The following CEP76 variants were observed in gnomAD, a reference collection of about 807,000 sequenced individuals.
CEP76 encodes the protein centrosomal protein 76.
In CEP76, 55 loss-of-function variants were observed where a neutral mutation model predicts 83.3. That is an observed-to-expected ratio of 0.66 (90% confidence interval 0.53 to 0.83). The LOEUF (loss-of-function observed/expected upper bound fraction) is 0.83. CEP76 is among the 40% of genes least tolerant of loss of function. The pLI is 0.00. For missense variants in CEP76, 694 were observed against 799.5 expected (o/e 0.87, Z 1.59); for synonymous variants, 270 against 274.5 (o/e 0.98, Z 0.16).
chr18:12,694,788 T>C (rs1314980153), intron 6 of CEP76, among the ~76,000 whole-genome samples: 1 of 151,756 alleles, frequency 6.6e-6, no homozygotes, highest in African/African-American at 2.4e-5. Context: ...CTGGGCTCAC[T>C]GCAAGCTCCT....
chr18:12,669,404 G>A (rs1377377731), downstream of CEP76, among the ~76,000 whole-genome samples: 3 of 151,798 alleles, frequency 2.0e-5, no homozygotes, highest in Non-Finnish European at 2.9e-5. Flanking sequence ...GAGCCACCGC[G>A]CCTGGCCCCA....
chr18:12,701,461 T>C (rs2040147109), intron 1 of CEP76, among the ~76,000 whole-genome samples: 1 of 152,188 alleles, frequency 6.6e-6, no homozygotes, highest in South Asian at 2.1e-4. Flanking sequence ...AAGGGAATCT[T>C]ACCAGCTTTC....
At chr18:12,670,321 C>T (rs1441258217), downstream of CEP76, 1 of 150,974 alleles carries the variant, frequency 6.6e-6, no homozygotes, top group African/African-American at 2.4e-5. Context: ...CAGAGTGAGA[C>T]TCTGTCTCAA....
intron 10 of CEP76, 40 bp downstream of exon 10, chr18:12,678,069 A>G: frequency 1.3e-6 from 2 of 1,513,162 alleles, no homozygotes; most frequent in Admixed American, 1.7e-5. Context: ...TACATAAATG[A>G]AAAGAAGTAT....
chr18:12,699,433 C>G (rs993328682), intron 3 of CEP76, among the ~76,000 whole-genome samples: 1 of 152,128 alleles, frequency 6.6e-6, no homozygotes, highest in African/African-American at 2.4e-5. Context: ...CTACTTTCTC[C>G]CAGCTGGAAA....
Position 12,686,402 on chromosome 18 carries a change from G to T in CEP76, c.982C>A (p.Arg328=). ...RPVCSYVKPL[R]AGRLLDTPRQ... ...GGAGTATCAAGAAGCCGTCCAGCTCGAAGTGGTTTAACATAGGAACAGACT... is the reference window on the plus strand; with the variant it reads ...GGAGTATCAAGAAGCCGTCCAGCTCTAAGTGGTTTAACATAGGAACAGACT... Residue 328 remains arginine (R), a synonymous_variant, in exon 8 of 12, where the codon CGA becomes AGA. Transcript: ENST00000262127. The T allele has an allele frequency of 6.2e-7, 1 of 1,613,998 alleles. No homozygotes were observed. Among genetic ancestry groups the T allele is most frequent in the Non-Finnish European group, 8.5e-7 (1 of 1,179,956 alleles).
At chr18:12,689,932 G>A (rs1156846691) in intron 7 of CEP76, among the ~76,000 whole-genome samples, 2 of 152,122 alleles carry the variant, frequency 1.3e-5, no homozygotes, top group Non-Finnish European at 2.9e-5. Flanking sequence ...GGGATTATAG[G>A]TGCCTGCCAC....
intron 11 of CEP76, among the ~76,000 whole-genome samples, chr18:12,674,243 C>T (rs779585051): frequency 1.3e-5 from 2 of 151,872 alleles, no homozygotes; most frequent in Non-Finnish European, 2.9e-5. Flanking sequence ...TCAAGACCAG[C>T]CTGGGCAACA....
intron 5 of CEP76, among the ~76,000 whole-genome samples, chr18:12,695,582 T>G (rs930841462): frequency 3.9e-5 from 6 of 152,014 alleles, no homozygotes; most frequent in African/African-American, 1.4e-4. Context: ...ACACTCTTTT[T>G]CTTCTTTAAG....
intron 4 of CEP76, 146 bp downstream of exon 4, chr18:12,698,833 G>A (rs1476856963): frequency 3.2e-6 from 2 of 621,482 alleles, no homozygotes; most frequent in South Asian, 2.2e-5. Flanking sequence ...GTGGATAGTA[G>A]TTTAAATTGA....
At position 12,665,916 on chromosome 18, in the gene CEP76, T is replaced by C. The variant is rs192358276; in HGVS notation, c.*1728-3747A>G. Among the ~76,000 whole-genome samples, 805 of 152,210 alleles carry C rather than the reference T, an allele frequency of 5.3e-3. 3 individuals carry two copies. The highest frequency in any genetic ancestry group is 9.6e-3 in the Admixed American group (146 of 15,270). Reference sequence around the variant, plus strand: ...TTCACCATGTTGGCCAGGCTGGTCTTGAACGCCTGACCCCGTGATCTGCCC... The same window carrying C: ...TTCACCATGTTGGCCAGGCTGGTCTCGAACGCCTGACCCCGTGATCTGCCC... On this transcript the variant is annotated intron_variant and NMD_transcript_variant, in intron 12 of 12. Coordinates refer to the CEP76 transcript ENST00000590143.
At chr18:12,683,796 A>G (rs1437920615) in intron 8 of CEP76, among the ~76,000 whole-genome samples, 1 of 151,992 alleles carries the variant, frequency 6.6e-6, no homozygotes, top group Non-Finnish European at 1.5e-5. Context: ...CAACACATAG[A>G]AAAATGTTCA....
Position 12,698,963 on chromosome 18 carries a change from T to C in CEP76, c.520+16A>G, listed in dbSNP as rs2040056550. ...AGATTTACTCAATTAAATGACAATT[T>C]ATTACTGTTTCTTACCCAAGCTTTC... On this transcript the variant is annotated intron_variant, in intron 4 of 11. Transcript: ENST00000262127. 2.0e-6 allele frequency: 3 copies of C among 1,533,464 alleles called. No homozygotes were observed. The African/African-American group carries it at 4.1e-5, about 21-fold the overall frequency. 95.0% of individuals were successfully genotyped at this position (1,533,464 alleles called of 1,614,324 possible).
chr18:12,663,156 A>G (rs909581339), intron 12 of CEP76, among the ~76,000 whole-genome samples: 3 of 152,206 alleles, frequency 2.0e-5, no homozygotes, highest in African/African-American at 7.2e-5. Flanking sequence ...ATTTCCTATA[A>G]CACAAACTTT....
chr18:12,680,810 C>A lies in CEP76; in HGVS notation c.1141G>T (p.Ala381Ser). ...CRNKGDCEDHANLLCSLLLGY... is the reference protein window; with the variant it reads ...CRNKGDCEDHSNLLCSLLLGY... ...AGAAGAAGGCTGCACAGAAGGTTAG[C>A]GTGATCTTCACAGTCACCCTGGAAG... Residue 381 changes from alanine to serine, a missense_variant, in exon 9 of 12, where the codon GCT becomes TCT. Coordinates refer to ENST00000262127, the MANE Select transcript of CEP76 (RefSeq NM_024899.4). The A allele has an allele frequency of 5.0e-6, 8 of 1,610,360 alleles. No individual in the cohort carries two copies. The highest frequency in any genetic ancestry group is 6.8e-6 in the Non-Finnish European group (8 of 1,178,818).
At chr18:12,666,436 GTTT>G (rs557490556) in intron 12 of CEP76, among the ~76,000 whole-genome samples, 4 of 126,610 alleles carry the variant, frequency 3.2e-5, no homozygotes, top group South Asian at 2.6e-4. Flanking sequence ...AAATTTTATG[GTTT>G]TTTTTTTTTT....
chr18:12,686,139 AACCTGTGGGTACAGAGGG>A, intron 8 of CEP76, 105 bp downstream of exon 8: 1 of 634,280 alleles, frequency 1.6e-6, no homozygotes, highest in Non-Finnish European at 2.5e-6. Context: ...ACAGATACAG[AACCTGTGGGTACAGAGGG>A]TTGACTATAT....
At chr18:12,667,934 T>C (rs191537535), downstream of CEP76, among the ~76,000 whole-genome samples, 9 of 130,796 alleles carry the variant, frequency 6.9e-5, no homozygotes, top group African/African-American at 2.3e-4. Flanking sequence ...AAAAGTAAAA[T>C]GGCAAACACA....
intron 1 of CEP76, among the ~76,000 whole-genome samples, chr18:12,701,463 C>T (rs1050968536): frequency 6.6e-6 from 1 of 152,116 alleles, no homozygotes; most frequent in Non-Finnish European, 1.5e-5. Flanking sequence ...GGGAATCTTA[C>T]CAGCTTTCAA....
Sources: gnomAD v4.1 joint callset for allele counts (sites outside exome capture counted in the v4.1 genomes callset) on GRCh38, gnomAD v4.1.1 for gene constraint, MANE v1.5 for transcripts, NCBI Gene and HGNC (gene_info 2026-07-23, HGNC 2026-07-21) for gene names.